The following SEC22B variants were observed in gnomAD, a reference collection of about 807,000 sequenced individuals.
SEC22B encodes vesicle-trafficking protein SEC22b.
In SEC22B, 10 loss-of-function variants were observed where a neutral mutation model predicts 31.4. The observed-to-expected ratio is 0.32, with a 90% confidence interval of 0.20 to 0.54. SEC22B has a LOEUF of 0.54. Ranked by LOEUF, SEC22B falls within the 20% of genes least tolerant of loss-of-function variation. The pLI is 0.94. For missense variants in SEC22B, 130 were observed against 263.4 expected, an observed-to-expected ratio of 0.49 and a Z score of 3.50; for synonymous variants, 60 against 95.9, an observed-to-expected ratio of 0.63 and a Z score of 2.19.
At position 120,176,289 on chromosome 1, in the gene SEC22B, CGTGA is replaced by C; in HGVS notation, c.75+14_75+17del. 3 of 1,605,862 alleles carry C rather than the reference CGTGA, an allele frequency of 1.9e-6. No homozygotes were observed. Among genetic ancestry groups the C allele is most frequent in the Non-Finnish European group, 2.5e-6 (3 of 1,178,642 alleles). On this transcript the variant is annotated intron_variant, in intron 1 of 4. Transcript: ENST00000578049. ...CTGACAGAGACTTGGGGTCGCGGGTCGTGAGTAAGCAGCTCACCTGTTCGTCCTC... is the reference window on the plus strand; with the variant it reads ...CTGACAGAGACTTGGGGTCGCGGGTCGTAAGCAGCTCACCTGTTCGTCCTC...
chr1:120,159,671 A>C (rs1249046587), intron 4 of SEC22B, among the ~76,000 whole-genome samples: 7 of 152,086 alleles, frequency 4.6e-5, no homozygotes, highest in African/African-American at 1.7e-4. Flanking sequence ...TTTAAAGTAC[A>C]GAAGAGATTA....
intron 3 of SEC22B, 105 bp downstream of exon 3, chr1:120,163,105 C>G (rs1445292029): frequency 8.3e-6 from 5 of 605,740 alleles, no homozygotes; most frequent in Non-Finnish European, 1.3e-5. Flanking sequence ...AAAACTTCAG[C>G]AAGTAAACAT....
rs1205754515 is a variant in SEC22B at position 120,161,976 on chromosome 1, A to G, written c.346+1234T>C. ...TAGGTTCAGGCAATGAAGAAGCCCCAACAGTAGGGAAGAAGGAGAACAGAC... is the reference window on the plus strand; with the variant it reads ...TAGGTTCAGGCAATGAAGAAGCCCCGACAGTAGGGAAGAAGGAGAACAGAC... On this transcript the variant is annotated intron_variant, in intron 3 of 4. Coordinates refer to ENST00000578049, the MANE Select transcript of SEC22B (RefSeq NM_004892.6). Among the ~76,000 whole-genome samples the G allele has an allele frequency of 3.2e-3, 432 of 134,220 alleles. 2 individuals are homozygous for G. The highest frequency in any genetic ancestry group is 0.015 in the African/African-American group (388 of 26,566). 88.1% of individuals were successfully genotyped at this position (134,220 alleles called of 152,430 possible).
chr1:120,161,502 T>A (rs1165698071), intron 3 of SEC22B, among the ~76,000 whole-genome samples: 1 of 152,148 alleles, frequency 6.6e-6, no homozygotes, highest in Non-Finnish European at 1.5e-5. Flanking sequence ...GAGACCAGCC[T>A]GGCCAACAAG....
Position 120,153,248 on chromosome 1 carries a change from C to A in SEC22B, c.*3790G>T, listed in dbSNP as rs868972074. 3 of 143,500 alleles carry A rather than the reference C, an allele frequency of 2.1e-5. No individual in the cohort carries two copies. The highest frequency in any genetic ancestry group is 6.7e-5 in the Admixed American group (1 of 14,918). 8.9% of individuals were successfully genotyped at this position (143,500 alleles called of 1,614,324 possible). ...TCCTCCTGAGCCATCTGGGAAAAAA[C>A]CAACCAACCAACCAACCAAACAAAA... On this transcript the variant is annotated 3_prime_UTR_variant, in exon 5 of 5. Coordinates refer to ENST00000578049, the MANE Select transcript of SEC22B (RefSeq NM_004892.6).
rs1173647474 is a variant in SEC22B, at chr1:120,152,566, A to G, written c.*4472T>C. 4 of 151,646 alleles carry G rather than the reference A, an allele frequency of 2.6e-5. No individual in the cohort carries two copies. Among genetic ancestry groups the G allele is most frequent in the Non-Finnish European group, 5.9e-5 (4 of 67,978 alleles). The allele number at this position is 151,646 out of a possible 1,614,324, so 9.4% of individuals were successfully genotyped here. A position where few individuals can be genotyped will look rare whatever the true frequency, so the allele number is the denominator to read the frequency against. On this transcript the variant is annotated 3_prime_UTR_variant, in exon 5 of 5. Transcript: ENST00000578049. The stretch of plus-strand genomic sequence containing the variant: ...AGATGTGGAAAACAGTTGGATTAAC[A>G]TTGAGATCAAATGAGAAAGGAGCAA...
intron 3 of SEC22B, among the ~76,000 whole-genome samples, 153 bp from the exon 4 acceptor site, chr1:120,160,683 A>C (rs1657700647): frequency 6.6e-6 from 1 of 152,126 alleles, no homozygotes; most frequent in African/African-American, 2.4e-5. Context: ...AGGTCAGGAA[A>C]TCGAGACCAT....
rs1394877393 is a variant in SEC22B, at chr1:120,153,629, A to G, written c.*3409T>C. 2.3e-5 allele frequency: 3 copies of G among 132,370 alleles called. No homozygotes were observed. The highest frequency in any genetic ancestry group is 7.1e-5 in the African/African-American group (2 of 28,092). The allele number at this position is 132,370 out of a possible 1,614,324, so 8.2% of individuals were successfully genotyped here. A position where few individuals can be genotyped will look rare whatever the true frequency, so the allele number is the denominator to read the frequency against. ...GATATGAAATTTTTTTGGTACACACAATTTTTCAAAAATATATCTCTCTCC... is the reference window on the plus strand; with the variant it reads ...GATATGAAATTTTTTTGGTACACACGATTTTTCAAAAATATATCTCTCTCC... On this transcript the variant is annotated 3_prime_UTR_variant, in exon 5 of 5. Transcript: ENST00000578049.
intron 1 of SEC22B, among the ~76,000 whole-genome samples, chr1:120,171,916 T>C (rs1250146440): frequency 6.6e-6 from 1 of 151,648 alleles, no homozygotes; most frequent in Non-Finnish European, 1.5e-5. Context: ...AGTGTATCGA[T>C]TATGTGCAAT....
chr1:120,157,277 A>G, intron 4 of SEC22B, 85 bp from the exon 5 acceptor site: 1 of 971,126 alleles, frequency 1.0e-6, no homozygotes, highest in Non-Finnish European at 1.4e-6. Flanking sequence ...AATGAGCAGC[A>G]CTGCAACAAC....
chr1:120,165,224 A>G (rs1387527757), intron 2 of SEC22B, among the ~76,000 whole-genome samples: 2 of 152,112 alleles, frequency 1.3e-5, no homozygotes, highest in Admixed American at 1.3e-4. Context: ...AAAGGAAAAC[A>G]CTGTAACTGG....
intron 2 of SEC22B, among the ~76,000 whole-genome samples, chr1:120,168,347 ATTTTC>A (rs1657844782): frequency 6.6e-6 from 1 of 151,642 alleles, no homozygotes; most frequent in Non-Finnish European, 1.5e-5. Context: ...ATCTTTTATA[ATTTTC>A]TTTTTTCAAA....
intron 3 of SEC22B, among the ~76,000 whole-genome samples, chr1:120,162,791 A>G (rs1394102688): frequency 6.6e-6 from 1 of 152,160 alleles, no homozygotes; most frequent in African/African-American, 2.4e-5. Flanking sequence ...ACTAAAAGAA[A>G]CAAAACATCA....
At chr1:120,159,779 A>C (rs2101127361) in intron 4 of SEC22B, among the ~76,000 whole-genome samples, 1 of 152,262 alleles carries the variant, frequency 6.6e-6, no homozygotes, top group South Asian at 2.1e-4. Context: ...AGAATAGACC[A>C]CTAAGGATAG....
chr1:120,169,280 C>G (rs1657858011), intron 1 of SEC22B, among the ~76,000 whole-genome samples: 1 of 152,158 alleles, frequency 6.6e-6, no homozygotes, highest in Admixed American at 6.5e-5. Flanking sequence ...TGGCACAGAA[C>G]TACACAGCAT....
Position 120,176,309 on chromosome 1 carries a change from G to A in SEC22B, c.73C>T (p.Gln25Ter). 6.2e-7 allele frequency: 1 copy of A among 1,610,660 alleles called. No homozygotes were observed. Among genetic ancestry groups the A allele is most frequent in the Non-Finnish European group, 8.5e-7 (1 of 1,179,608 alleles). Reference sequence around the variant, plus strand: ...CGGGTCGTGAGTAAGCAGCTCACCTGTTCGTCCTCCTGCATCGAGGCGGCC... The same window carrying A: ...CGGGTCGTGAGTAAGCAGCTCACCTATTCGTCCTCCTGCATCGAGGCGGCC... Reference protein sequence around the residue: ...PLAASMQEDEQSGRDLQQYQS... With the variant: ...PLAASMQEDE The change falls in exon 1 of 5, where the codon CAG becomes TAG. Residue 25 changes from glutamine (Q) to a stop codon, truncating the protein, a stop_gained and splice_region_variant. Transcript: ENST00000578049. LOFTEE classifies it high-confidence loss of function.
In SEC22B at chr1:120,151,280, G is replaced by C. The variant is rs1218483159; in HGVS notation, c.*5758C>G. On this transcript the variant is annotated 3_prime_UTR_variant, in exon 5 of 5. Coordinates refer to ENST00000578049, the MANE Select transcript of SEC22B (RefSeq NM_004892.6). ...TAAGACAAAACAAAGCTGGTGGGGA[G>C]TGGCAGGAGGTAAGTCTAGAATGGC... 1 of 152,172 alleles carries C rather than the reference G, an allele frequency of 6.6e-6. No individual in the cohort carries two copies. Among genetic ancestry groups the C allele is most frequent in the African/African-American group, 2.4e-5 (1 of 41,436 alleles). The allele number at this position is 152,172 out of a possible 1,614,324, so 9.4% of individuals were successfully genotyped here. A position where few individuals can be genotyped will look rare whatever the true frequency, so the allele number is the denominator to read the frequency against.
In SEC22B at chr1:120,176,304, C is replaced by T; in HGVS notation, c.75+3G>A. On this transcript the variant is annotated splice_donor_region_variant and intron_variant, in intron 1 of 4. Transcript: ENST00000578049. ...GGTCGCGGGTCGTGAGTAAGCAGCTCACCTGTTCGTCCTCCTGCATCGAGG... is the reference window on the plus strand; with the variant it reads ...GGTCGCGGGTCGTGAGTAAGCAGCTTACCTGTTCGTCCTCCTGCATCGAGG... 1.2e-6 allele frequency: 2 copies of T among 1,609,990 alleles called. No individual in the cohort carries two copies. The highest frequency in any genetic ancestry group is 1.7e-6 in the Non-Finnish European group (2 of 1,179,544).
At position 120,154,163 on chromosome 1, in the gene SEC22B, TC is replaced by T. The variant is rs1657591050; in HGVS notation, c.*2874del. 1 of 152,062 alleles carries T rather than the reference TC, an allele frequency of 6.6e-6. No homozygotes were observed. The highest frequency in any genetic ancestry group is 2.4e-5 in the African/African-American group (1 of 41,414). 9.4% of individuals were successfully genotyped at this position (152,062 alleles called of 1,614,324 possible). On this transcript the variant is annotated 3_prime_UTR_variant, in exon 5 of 5. Transcript: ENST00000578049. The stretch of plus-strand genomic sequence containing the variant: ...ATTACTTCTGCCTGTATGATTAAGT[TC>T]CTCATTGTTAAATTCGAAAATACAT...
Sources: allele counts gnomAD v4.1 joint callset (sites outside exome capture counted in the v4.1 genomes callset), GRCh38; gene constraint gnomAD v4.1.1; transcripts MANE v1.5; gene names NCBI Gene and HGNC (gene_info 2026-07-23, HGNC 2026-07-21).